Variants in ADGRL2 observed in about 807,000 individuals in gnomAD.
ADGRL2 encodes adhesion G protein-coupled receptor L2.
In ADGRL2, 44 loss-of-function variants were observed where a neutral mutation model predicts 157.4. That is an observed-to-expected ratio of 0.28 (90% CI 0.22 to 0.36). ADGRL2 has a LOEUF of 0.36. Ranked by LOEUF, ADGRL2 falls within the 10% of genes least tolerant of loss-of-function variation. The pLI, the probability that ADGRL2 is intolerant of heterozygous loss-of-function variation, is 1.00. For synonymous variants in ADGRL2, 585 were observed against 624.7 expected (o/e 0.94, Z 0.95); for missense variants, 1,510 against 1,768.9 (o/e 0.85, Z 2.63).
chr1:81,773,017 G>T (rs2086437515), intron 2 of ADGRL2, among the ~76,000 whole-genome samples: 1 of 152,120 alleles, frequency 6.6e-6, no homozygotes, highest in African/African-American at 2.4e-5. Flanking sequence ...TTTTTAGAAA[G>T]GAGTTGTGTT....
intron 1 of ADGRL2, among the ~76,000 whole-genome samples, chr1:81,707,687 G>A (rs1299060231): frequency 6.6e-6 from 1 of 152,038 alleles, no homozygotes; most frequent in African/African-American, 2.4e-5. Context: ...CATGTTGGAT[G>A]CTCAGTGCTC....
At chr1:81,476,893 C>G (rs1327446662) in intron 2 of ADGRL2, among the ~76,000 whole-genome samples, 1 of 152,136 alleles carries the variant, frequency 6.6e-6, no homozygotes, top group Admixed American at 6.5e-5. Flanking sequence ...CAACATCCAT[C>G]GATTAAACTG....
At chr1:81,360,245 CT>C (rs916099180) in intron 1 of ADGRL2, among the ~76,000 whole-genome samples, 1 of 152,022 alleles carries the variant, frequency 6.6e-6, no homozygotes, top group Admixed American at 6.6e-5. Context: ...GCTATTTCCT[CT>C]GCTTAGAATT....
At chr1:81,399,093 G>T (rs934969179) in intron 1 of ADGRL2, among the ~76,000 whole-genome samples, 1 of 152,190 alleles carries the variant, frequency 6.6e-6, no homozygotes, top group Non-Finnish European at 1.5e-5. Context: ...GGTGGAAGGT[G>T]AAGGGGAAGC....
In ADGRL2 at chr1:81,402,590, A is replaced by G. The variant is rs1397595795; in HGVS notation, c.-301-42446A>G. ...AACTGCTACAACTACTGTGAAAAACAAAACAAAACAAAAATTCCTCCTGAA... is the reference window on the plus strand; with the variant it reads ...AACTGCTACAACTACTGTGAAAAACGAAACAAAACAAAAATTCCTCCTGAA... On this transcript the variant is annotated intron_variant, in intron 1 of 24. Coordinates refer to the ADGRL2 transcript ENST00000370721. Among the ~76,000 whole-genome samples the G allele has an allele frequency of 2.0e-5, 3 of 152,388 alleles. No individual in the cohort carries two copies. The East Asian group carries it at 5.8e-4, about 29-fold the overall frequency.
intron 1 of ADGRL2, among the ~76,000 whole-genome samples, chr1:81,440,547 C>T (rs183044479): frequency 1.3e-5 from 2 of 152,122 alleles, no homozygotes; most frequent in African/African-American, 4.8e-5. Context: ...TTTTAACTAC[C>T]CCATCCATTG....
At chr1:81,316,239 G>T (rs1288404595) in intron 1 of ADGRL2, among the ~76,000 whole-genome samples, 1 of 152,036 alleles carries the variant, frequency 6.6e-6, no homozygotes, top group Non-Finnish European at 1.5e-5. Flanking sequence ...AACCATAAAG[G>T]TTAAATGGTT....
chr1:81,563,055 T>C (rs945725701), intron 2 of ADGRL2, among the ~76,000 whole-genome samples: 2 of 152,292 alleles, frequency 1.3e-5, no homozygotes, highest in African/African-American at 4.8e-5. Flanking sequence ...TAATACACTG[T>C]ATTTAACTGT....
chr1:81,395,009 A>C (rs1373992934), intron 1 of ADGRL2, among the ~76,000 whole-genome samples: 1 of 151,892 alleles, frequency 6.6e-6, no homozygotes, highest in Non-Finnish European at 1.5e-5. Context: ...AGCAATTCTC[A>C]TGCTTTAGCC....
At chr1:81,797,027 C>G (rs968044045), upstream of ADGRL2, among the ~76,000 whole-genome samples, 7 of 152,130 alleles carry the variant, frequency 4.6e-5, no homozygotes, top group African/African-American at 9.7e-5. Flanking sequence ...AAATTGAAAA[C>G]AAAGCTAGCA....
chr1:81,417,326 A>G (rs2077050096), intron 1 of ADGRL2, among the ~76,000 whole-genome samples: 1 of 152,162 alleles, frequency 6.6e-6, no homozygotes, highest in Non-Finnish European at 1.5e-5. Context: ...TATAATGATA[A>G]TTTATAATTT....
chr1:81,391,559 G>C (rs185048511), intron 1 of ADGRL2, among the ~76,000 whole-genome samples: 9 of 152,384 alleles, frequency 5.9e-5, no homozygotes, highest in Admixed American at 2.0e-4. Flanking sequence ...ATAAAGGAAG[G>C]ATTTATCTTT....
chr1:81,735,862 C>A (rs114239270), intron 1 of ADGRL2, among the ~76,000 whole-genome samples: 2,022 of 150,176 alleles, frequency 0.013, 44 homozygotes, highest in African/African-American at 0.047. Flanking sequence ...GTCAAACTGA[C>A]GGCTGGGCGC....
chr1:81,824,933 T>C (rs75749636), intron 1 of ADGRL2, among the ~76,000 whole-genome samples: 3,880 of 143,676 alleles, frequency 0.027, 76 homozygotes, highest in Non-Finnish European at 0.04. Context: ...GTTTCCAGTT[T>C]TGCTTTTTAA....
chr1:81,340,139 G>T (rs1661962925), intron 1 of ADGRL2, among the ~76,000 whole-genome samples: 1 of 152,130 alleles, frequency 6.6e-6, no homozygotes, highest in African/African-American at 2.4e-5. Context: ...TTGCAAGAGG[G>T]TGCTTTTTAT....
At chr1:81,907,912 A>T (rs1313898048) in intron 3 of ADGRL2, among the ~76,000 whole-genome samples, 1 of 152,180 alleles carries the variant, frequency 6.6e-6, no homozygotes, top group African/African-American at 2.4e-5. Context: ...CCACATAATG[A>T]CTACTTTTTG....
Position 81,991,095 on chromosome 1 carries a change from C to G in ADGRL2, c.4360C>G (p.Pro1454Ala). Residue 1454 changes from proline to alanine, a missense_variant, in exon 24 of 24, where the codon CCA (proline) becomes GCA (alanine). Physicochemically the swap from Pro to Ala is conservative, Grantham distance 27. This residue lies in a region of ADGRL2 where 327 missense variants were observed against 310.1 expected (regional missense o/e 1.05). Transcript: ENST00000686636. ...CCCCATTAACAAAGAAGGGTGTATT[C>G]CAGAAGGAGATGTTAGAGAAGGACA... is the stretch of plus-strand genomic sequence containing the variant. ...IIPINKEGCI[P>A]EGDVREGQMQ... 1 of 1,611,644 alleles carries G rather than the reference C, an allele frequency of 6.2e-7. No individual in the cohort carries two copies. Among genetic ancestry groups the G allele is most frequent in the Non-Finnish European group, 8.5e-7 (1 of 1,178,584 alleles).
rs547444931 is a variant in ADGRL2, at chr1:81,361,482, A to G, written c.-302+54973A>G. On this transcript the variant is annotated intron_variant, in intron 1 of 24. Transcript: ENST00000370721. ...TTCAATTATTCTAAGCAGGGTGGTC[A>G]AAGCCTTGAGGAAGTCCTTAAGTAA... Among the ~76,000 whole-genome samples, 65 of 152,034 alleles carry G rather than the reference A, an allele frequency of 4.3e-4. No individual in the cohort carries two copies. In the South Asian group the frequency reaches 0.013, roughly 31 times the overall value.
chr1:81,618,724 C>A (rs1251951850), intron 3 of ADGRL2, among the ~76,000 whole-genome samples: 1 of 152,180 alleles, frequency 6.6e-6, no homozygotes. Flanking sequence ...TCTACACTAT[C>A]TGCAGAAGTT....
Sources: gnomAD v4.1 joint callset for allele counts (sites outside exome capture counted in the v4.1 genomes callset) on GRCh38, gnomAD v4.1.1 for gene constraint, gnomAD v4.1.1 regional missense constraint, MANE v1.5 for transcripts, NCBI Gene and HGNC (gene_info 2026-07-23, HGNC 2026-07-21) for gene names.